Variants in LYPD6 observed in about 807,000 individuals in gnomAD.
LYPD6 encodes LY6/PLAUR domain containing 6, also known as ly6/PLAUR domain-containing protein 6.
In LYPD6, 15 loss-of-function variants were observed where a neutral mutation model predicts 22.7. The ratio of observed to expected loss-of-function variants is 0.66; its 90% confidence interval spans 0.44 to 1.02. The LOEUF (loss-of-function observed/expected upper bound fraction) is 1.02, where lower values mean the gene tolerates loss of function less well. Among genes scored for constraint, LYPD6 ranks in the 50% least tolerant of loss-of-function variants. LYPD6 has a pLI of 0.00. For missense variants in LYPD6, 189 were observed against 208.4 expected (o/e 0.91, Z 0.57); for synonymous variants, 72 against 77.5 (o/e 0.93, Z 0.37).
intron 2 of LYPD6, among the ~76,000 whole-genome samples, chr2:149,440,638 G>C (rs1173979823): frequency 2.0e-5 from 3 of 149,342 alleles, no homozygotes; most frequent in Admixed American, 6.7e-5. Flanking sequence ...TGTTGTTAGA[G>C]TGAAGTTACT....
At chr2:149,448,525 C>G (rs576683464) in intron 2 of LYPD6, among the ~76,000 whole-genome samples, 1 of 152,140 alleles carries the variant, frequency 6.6e-6, no homozygotes, top group South Asian at 2.1e-4. Context: ...TCAAACCCAC[C>G]TCTCTCCCCA....
At chr2:149,456,684 A>T (rs1680965877) in intron 3 of LYPD6, among the ~76,000 whole-genome samples, 1 of 152,210 alleles carries the variant, frequency 6.6e-6, no homozygotes, top group Non-Finnish European at 1.5e-5. Flanking sequence ...AAGACTGCCC[A>T]AAAAGAGAGG....
intron 1 of LYPD6, among the ~76,000 whole-genome samples, chr2:149,404,875 A>G (rs1351353505): frequency 3.9e-5 from 6 of 152,172 alleles, no homozygotes; most frequent in African/African-American, 1.4e-4. Flanking sequence ...TGGGTTTGTC[A>G]TAGATAGGTC....
intron 1 of LYPD6, among the ~76,000 whole-genome samples, chr2:149,428,515 C>T (rs1000730357): frequency 4.6e-5 from 7 of 152,114 alleles, no homozygotes; most frequent in Admixed American, 3.9e-4. Context: ...CATGTTTCTG[C>T]GTGTCACACC....
intron 1 of LYPD6, among the ~76,000 whole-genome samples, chr2:149,333,348 A>G (rs1680974178): frequency 6.6e-6 from 1 of 152,236 alleles, no homozygotes; most frequent in Admixed American, 6.5e-5. Context: ...ATGATTGCTT[A>G]CAATATTTAC....
the LYPD6 span, among the ~76,000 whole-genome samples, chr2:149,482,385 A>G: frequency 6.6e-6 from 1 of 152,186 alleles, no homozygotes; most frequent in African/African-American, 2.4e-5. Flanking sequence ...CATAGACACA[A>G]CAGCTTATTA....
At chr2:149,417,025 G>A (rs1197992426) in intron 1 of LYPD6, among the ~76,000 whole-genome samples, 1 of 152,162 alleles carries the variant, frequency 6.6e-6, no homozygotes, top group African/African-American at 2.4e-5. Flanking sequence ...CAAGCCCCCA[G>A]GTAGCAATGC....
chr2:149,373,971 G>A lies in LYPD6; in HGVS notation c.-72+43249G>A, dbSNP rs550082143. 3.9e-5 allele frequency among the ~76,000 whole-genome samples: 6 copies of A among 152,190 alleles called. No homozygotes were observed. The South Asian group carries it at 1.2e-3, about 32-fold the overall frequency. ...ATTTACTCAGTTGGATTTTTAAAGA[G>A]GTCATTTTATGGTCCATTCCTGCCC... is the stretch of plus-strand genomic sequence containing the variant. On this transcript the variant is annotated intron_variant, in intron 1 of 4. Coordinates refer to ENST00000334166, the MANE Select transcript of LYPD6 (RefSeq NM_194317.5).
intron 1 of LYPD6, among the ~76,000 whole-genome samples, chr2:149,359,154 A>G (rs1370759150): frequency 1.3e-5 from 2 of 152,170 alleles, no homozygotes; most frequent in African/African-American, 4.8e-5. Context: ...CAGAAATGGA[A>G]AAAAAATTAA....
At chr2:149,401,216 G>T (rs1388429097) in intron 1 of LYPD6, among the ~76,000 whole-genome samples, 1 of 152,124 alleles carries the variant, frequency 6.6e-6, no homozygotes, top group East Asian at 1.9e-4. Context: ...CATCAGTATG[G>T]TTCCATCCAG....
intron 3 of LYPD6, among the ~76,000 whole-genome samples, chr2:149,459,168 A>G (rs1030621518): frequency 2.6e-5 from 4 of 152,246 alleles, no homozygotes; most frequent in Non-Finnish European, 5.9e-5. Flanking sequence ...GAGAAAAAGA[A>G]CATCTGATAT....
chr2:149,423,803 G>T (rs1683134115), intron 1 of LYPD6, among the ~76,000 whole-genome samples: 1 of 152,104 alleles, frequency 6.6e-6, no homozygotes, highest in African/African-American at 2.4e-5. Context: ...TCAAATAAGT[G>T]TGGGGAAAAT....
upstream of LYPD6, chr2:149,330,461 G>T (rs919761544): frequency 6.7e-6 from 1 of 149,502 alleles, no homozygotes; most frequent in African/African-American, 2.4e-5. Flanking sequence ...CCCCCCGCGC[G>T]CGCTGATTGG....
chr2:149,333,479 C>T (rs1680976193), intron 1 of LYPD6, among the ~76,000 whole-genome samples: 1 of 152,198 alleles, frequency 6.6e-6, no homozygotes, highest in Non-Finnish European at 1.5e-5. Flanking sequence ...CAAGTCTTGT[C>T]TTCACATACA....
At chr2:149,372,976 T>C (rs1486263659) in intron 1 of LYPD6, among the ~76,000 whole-genome samples, 1 of 152,230 alleles carries the variant, frequency 6.6e-6, no homozygotes, top group African/African-American at 2.4e-5. Flanking sequence ...TTTAAGATCC[T>C]TTAGGGAGTT....
chr2:149,484,102 G>GT, the LYPD6 span, among the ~76,000 whole-genome samples: 1 of 152,184 alleles, frequency 6.6e-6, no homozygotes, highest in Non-Finnish European at 1.5e-5. Context: ...TTGTGTATGG[G>GT]TTGCTCTCTT....
At chr2:149,428,846 G>T (rs577435076) in intron 1 of LYPD6, among the ~76,000 whole-genome samples, 1 of 152,176 alleles carries the variant, frequency 6.6e-6, no homozygotes, top group Non-Finnish European at 1.5e-5. Context: ...TCAATTTTTA[G>T]AGAAGAAAAT....
intron 1 of LYPD6, among the ~76,000 whole-genome samples, chr2:149,434,815 T>G (rs1683394014): frequency 6.6e-6 from 1 of 151,844 alleles, no homozygotes; most frequent in African/African-American, 2.4e-5. Context: ...TGGGAAGGAG[T>G]TTACAGTACT....
intron 1 of LYPD6, among the ~76,000 whole-genome samples, chr2:149,391,980 C>CA (rs1682320104): frequency 6.6e-6 from 1 of 152,184 alleles, no homozygotes; most frequent in Non-Finnish European, 1.5e-5. Context: ...GCTCATACAA[C>CA]AGACATTTAT....
Sources: allele counts gnomAD v4.1 joint callset (sites outside exome capture counted in the v4.1 genomes callset), GRCh38; gene constraint gnomAD v4.1.1; transcripts MANE v1.5; gene names NCBI Gene and HGNC (gene_info 2026-07-23, HGNC 2026-07-21).